JAG2: variants seen among roughly 807,000 people sequenced by gnomAD.
JAG2 encodes jagged canonical Notch ligand 2, also known as protein jagged-2.
JAG2 carries 46 observed loss-of-function variants against 141.7 expected under a neutral mutation model. The ratio of observed to expected loss-of-function variants is 0.32; its 90% CI spans 0.26 to 0.42. JAG2 has a LOEUF of 0.42. Ranked by LOEUF, JAG2 falls within the 10% of genes least tolerant of loss-of-function variation. JAG2 has a pLI of 1.00. For synonymous variants in JAG2, 862 were observed against 763.5 expected (o/e 1.13, Z -2.13); for missense variants, 1,500 against 1,817.5 (o/e 0.83, Z 3.18).
chr14:105,164,698 G>C (rs1888858630), intron 2 of JAG2, among the ~76,000 whole-genome samples: 1 of 152,192 alleles, frequency 6.6e-6, no homozygotes. Flanking sequence ...CTCCCTAGGG[G>C]GCAAAGGAGA....
Position 105,167,549 on chromosome 14 carries a change from T to TCCCGGTGGC in JAG2, c.417+199_417+207dup, listed in dbSNP as rs1325995454. On this transcript the variant is annotated intron_variant, in intron 2 of 25. Transcript: ENST00000331782. This position sits in a 1 kb window ranked among gnomAD's most constrained non-coding sequence, Gnocchi z 4.8. ...CGCCCCGCCCCCGCCGCGACCCCGC[T>TCCCGGTGGC]CCCGGTGGCCCCGGGGCCCCGGCGC... Among the ~76,000 whole-genome samples, 1 of 144,868 alleles carries TCCCGGTGGC rather than the reference T, an allele frequency of 6.9e-6. No homozygotes were observed. The highest frequency in any genetic ancestry group is 1.5e-5 in the Non-Finnish European group (1 of 65,722).
intron 7 of JAG2, 74 bp downstream of exon 7, chr14:105,151,864 G>A: frequency 7.5e-6 from 12 of 1,609,914 alleles, no homozygotes; most frequent in Non-Finnish European, 1.0e-5. Flanking sequence ...ACGCCAGAGG[G>A]ATGGGGCCTG....
At chr14:105,150,331 G>C (rs1888383565) in intron 12 of JAG2, among the ~76,000 whole-genome samples, 1 of 152,098 alleles carries the variant, frequency 6.6e-6, no homozygotes, top group African/African-American at 2.4e-5. Context: ...CAGATGGACA[G>C]ATAGGCCTGG....
At chr14:105,143,235 C>T (rs1322660604) in intron 25 of JAG2, 65 bp from the exon 26 acceptor site, 11 of 1,530,920 alleles carry the variant, frequency 7.2e-6, no homozygotes, top group East Asian at 4.7e-5. Flanking sequence ...ACTAGCCACA[C>T]ACCCAGGCCT....
chr14:105,150,961 C>T, intron 10 of JAG2, 30 bp downstream of exon 10: 1 of 1,601,056 alleles, frequency 6.2e-7, no homozygotes, highest in Non-Finnish European at 8.5e-7. Flanking sequence ...TGCCTCGGCC[C>T]ACCCGCCGGC....
intron 2 of JAG2, among the ~76,000 whole-genome samples, chr14:105,165,970 C>A (rs1015667268): frequency 3.3e-5 from 5 of 152,202 alleles, no homozygotes; most frequent in African/African-American, 1.2e-4. Flanking sequence ...TACCAGGGTG[C>A]TGGCATCACG....
chr14:105,143,111 G>A lies in JAG2; in HGVS notation c.3301C>T (p.Leu1101=), dbSNP rs1419256584. The A allele has an allele frequency of 1.3e-6, 2 of 1,599,040 alleles. No individual in the cohort carries two copies. Among genetic ancestry groups the A allele is most frequent in the Admixed American group, 3.3e-5 (2 of 59,954 alleles). Residue 1101 remains leucine, a synonymous_variant, in exon 26 of 26, where the codon CTG becomes TTG. Transcript: ENST00000331782. ...CGCTTGCGTGTCCACCACACGCACA[G>A]GACCACGCACGCCAGCCACAGCACG... is the stretch of plus-strand genomic sequence containing the variant. ...FSVLWLACVV[L]CVWWTRKRRK...
chr14:105,157,548 C>T (rs1008894782), intron 3 of JAG2, among the ~76,000 whole-genome samples, 158 bp downstream of exon 3: 22 of 152,176 alleles, frequency 1.4e-4, no homozygotes, highest in Non-Finnish European at 1.8e-4. Context: ...AAGTCCCAAA[C>T]GTGGCAGAGC....
chr14:105,145,634 C>T (rs906698617), intron 23 of JAG2, 97 bp downstream of exon 23: 22 of 1,479,854 alleles, frequency 1.5e-5, no homozygotes, highest in Non-Finnish European at 1.7e-5. Flanking sequence ...CTCAGCCAAC[C>T]AGGGCCTCCC....
chr14:105,168,543 A>AGTC lies in JAG2; in HGVS notation c.-124_-123insGAC, dbSNP rs1707553710. On this transcript the variant is annotated 5_prime_UTR_variant, in exon 1 of 26. Transcript: ENST00000331782. Reference sequence around the variant, plus strand: ...CCCGCAGAGGCAGCGGCAGCGGCAGAGGCGGCGGCGGCGGCGGCGCGGGCG... The same window carrying AGTC: ...CCCGCAGAGGCAGCGGCAGCGGCAGAGTCGGCGGCGGCGGCGGCGGCGCGGGCG... 2 of 148,644 alleles carry AGTC rather than the reference A, an allele frequency of 1.3e-5. No homozygotes were observed. Among genetic ancestry groups the AGTC allele is most frequent in the Non-Finnish European group, 2.8e-5 (2 of 70,418 alleles). The allele number at this position is 148,644 out of a possible 1,614,324, so 9.2% of individuals were successfully genotyped here. A position where few individuals can be genotyped will look rare whatever the true frequency, so the allele number is the denominator to read the frequency against.
In JAG2 at chr14:105,143,642, C is replaced by T. The variant is rs371531249; in HGVS notation, c.3085-4G>A. ...GGTCCCTGGCAGGGCTGAAGGACTG[C>T]GGCAAAGAACGGCATTGTGGGGATG... On this transcript the variant is annotated splice_region_variant and splice_polypyrimidine_tract_variant and intron_variant, in intron 24 of 25. Transcript: ENST00000331782. The T allele has an allele frequency of 1.6e-5, 26 of 1,605,764 alleles. No individual in the cohort carries two copies. Among genetic ancestry groups the T allele is most frequent in the Admixed American group, 5.0e-5 (3 of 59,924 alleles).
chr14:105,144,855 T>C, intron 24 of JAG2, 75 bp downstream of exon 24: 3 of 1,548,240 alleles, frequency 1.9e-6, no homozygotes, highest in Admixed American at 3.6e-5. Context: ...CCAGAGCCTC[T>C]GTCCAGCATA....
At chr14:105,150,140 G>T (rs1278135291) in intron 12 of JAG2, among the ~76,000 whole-genome samples, 2 of 137,718 alleles carry the variant, frequency 1.5e-5, no homozygotes, top group Non-Finnish European at 3.1e-5. Flanking sequence ...GAGGTTGGGG[G>T]AGGGGGTCCA....
chr14:105,159,710 C>T (rs1210239595), intron 2 of JAG2, among the ~76,000 whole-genome samples: 17 of 116,338 alleles, frequency 1.5e-4, no homozygotes, highest in African/African-American at 5.4e-4. Flanking sequence ...GCAACATGCT[C>T]CATCCACACC....
rs1237193902 is a variant in JAG2, at chr14:105,141,417, G to A, written c.*1278C>T. On this transcript the variant is annotated 3_prime_UTR_variant, in exon 26 of 26. Transcript: ENST00000331782. ...TTAAGACCTTGATACGTATTCGTGG[G>A]TAAGCAATTTTATACTATTTTATAA... The A allele has an allele frequency of 6.6e-6, 1 of 152,240 alleles. No homozygotes were observed. The highest frequency in any genetic ancestry group is 1.5e-5 in the Non-Finnish European group (1 of 68,042). 9.4% of individuals were successfully genotyped at this position (152,240 alleles called of 1,614,324 possible).
intron 5 of JAG2, among the ~76,000 whole-genome samples, chr14:105,153,996 G>A (rs1018578388): frequency 7.2e-5 from 11 of 152,198 alleles, no homozygotes; most frequent in African/African-American, 1.2e-4. Flanking sequence ...TCAACCTGCC[G>A]GGAATCCCTG....
In JAG2 at chr14:105,142,845, GTCC is replaced by G. The variant is rs747162838; in HGVS notation, c.3564_3566del (p.Glu1188del). Reference sequence around the variant, plus strand: ...AGAGGAACTTCTCCGCCTCCAGGGAGTCCTCCTCACCGCGGCCCAGATCCTCGT... The same window carrying G: ...AGAGGAACTTCTCCGCCTCCAGGGAGTCCTCACCGCGGCCCAGATCCTCGT... On this transcript the variant is annotated inframe_deletion, in exon 26 of 26. Coordinates refer to ENST00000331782, the MANE Select transcript of JAG2 (RefSeq NM_002226.5). 1.2e-5 allele frequency: 19 copies of G among 1,609,594 alleles called. No homozygotes were observed. Among genetic ancestry groups the G allele is most frequent in the East Asian group, 2.2e-5 (1 of 44,744 alleles).
Position 105,167,737 on chromosome 14 carries a change from G to A in JAG2, c.417+20C>T, listed in dbSNP as rs1340927364. On this transcript the variant is annotated intron_variant, in intron 2 of 25. Coordinates refer to ENST00000331782, the MANE Select transcript of JAG2 (RefSeq NM_002226.5). This position sits in a 1 kb window ranked among gnomAD's most constrained non-coding sequence, Gnocchi z 4.8. Reference sequence around the variant, plus strand: ...GAGAGAGAGGGAAGGGCTGGAGCACGAGGGATGGAGCGCACGTACCGGCCA... The same window carrying A: ...GAGAGAGAGGGAAGGGCTGGAGCACAAGGGATGGAGCGCACGTACCGGCCA... 4 of 1,442,830 alleles carry A rather than the reference G, an allele frequency of 2.8e-6. No individual in the cohort carries two copies. The highest frequency in any genetic ancestry group is 1.8e-6 in the Non-Finnish European group (2 of 1,098,874). 89.4% of individuals were successfully genotyped at this position (1,442,830 alleles called of 1,614,324 possible).
chr14:105,157,948 C>T, intron 2 of JAG2, 185 bp from the exon 3 acceptor site: 1 of 667,844 alleles, frequency 1.5e-6, no homozygotes, highest in South Asian at 1.6e-5. Context: ...CAAAAATGAC[C>T]CAGCTCAAGG....
Sources: allele counts gnomAD v4.1 joint callset (sites outside exome capture counted in the v4.1 genomes callset), GRCh38; gene constraint gnomAD v4.1.1; non-coding constraint Gnocchi (gnomAD v3.1); transcripts MANE v1.5; gene names NCBI Gene and HGNC (gene_info 2026-07-23, HGNC 2026-07-21).